The following CCDC43 variants were observed in gnomAD, a reference collection of about 807,000 sequenced individuals.
CCDC43 encodes the protein coiled-coil domain containing 43, also known as coiled-coil domain-containing protein 43.
In CCDC43, 20 loss-of-function variants were observed where a neutral mutation model predicts 33.3. That is an observed-to-expected ratio of 0.60 (90% CI 0.42 to 0.87). CCDC43 has a LOEUF of 0.87. Among genes scored for constraint, CCDC43 ranks in the 40% least tolerant of loss-of-function variants. The pLI, the probability that CCDC43 is intolerant of heterozygous loss-of-function variation, is 0.00. For synonymous variants in CCDC43, 104 were observed against 106.5 expected, an observed-to-expected ratio of 0.98 and a Z score of 0.14; for missense variants, 248 against 269.9, an observed-to-expected ratio of 0.92 and a Z score of 0.57.
In CCDC43 at chr17:44,678,568, G is replaced by A. The variant is rs1972110391; in HGVS notation, c.*288C>T. 2 of 276,182 alleles carry A rather than the reference G, an allele frequency of 7.2e-6. No homozygotes were observed. Among genetic ancestry groups the A allele is most frequent in the South Asian group, 2.3e-4 (2 of 8,794 alleles). 17.1% of individuals were successfully genotyped at this position (276,182 alleles called of 1,614,324 possible). On this transcript the variant is annotated 3_prime_UTR_variant, in exon 5 of 5. Transcript: ENST00000315286. ...ATCCTATTTATCCAAGGTGAGGGAA[G>A]ACTTTTTAAAGTGGCCAAAAGGAGC...
rs1049922373 is a variant in CCDC43 at position 44,680,760 on chromosome 17, G to A, written c.429-117C>T. On this transcript the variant is annotated intron_variant, in intron 3 of 4. Coordinates refer to ENST00000315286, the MANE Select transcript of CCDC43 (RefSeq NM_144609.3). ...TGAATGGAGGGAGCACATTATCAGG[G>A]ATATGGCGATAAACCCAGGAGATTC... 10 of 711,368 alleles carry A rather than the reference G, an allele frequency of 1.4e-5. No individual in the cohort carries two copies. In the Admixed American group the frequency reaches 1.6e-4, roughly 11 times the overall value. The allele number at this position is 711,368 out of a possible 1,614,324, so 44.1% of individuals were successfully genotyped here.
At position 44,678,984 on chromosome 17, in the gene CCDC43, A is replaced by T; in HGVS notation, c.547T>A (p.Ser183Thr). Reference sequence around the variant, plus strand: ...TTCCTTTGGGATTCATCCCGAAGTGAGTCTCGCTCCAGTTTTCGGGCATTA... The same window carrying T: ...TTCCTTTGGGATTCATCCCGAAGTGTGTCTCGCTCCAGTTTTCGGGCATTA... ...VLNARKLERD[S>T]LRDESQRKKE... The change falls in exon 5 of 5, where the codon TCA (serine) becomes ACA (threonine). Residue 183 changes from serine to threonine, a missense_variant. Transcript: ENST00000315286. 1.2e-6 allele frequency: 2 copies of T among 1,613,514 alleles called. No homozygotes were observed. Among genetic ancestry groups the T allele is most frequent in the South Asian group, 2.2e-5 (2 of 91,058 alleles).
intron 3 of CCDC43, 36 bp downstream of exon 3, chr17:44,681,967 C>G: frequency 6.2e-7 from 1 of 1,613,076 alleles, no homozygotes; most frequent in South Asian, 1.1e-5. Flanking sequence ...CTGGCTTGAG[C>G]TTTAGGGAAT....
Position 44,680,623 on chromosome 17 carries a change from T to C in CCDC43, c.449A>G (p.Asp150Gly). Residue 150 changes from aspartate (D) to glycine (G), a missense_variant, in exon 4 of 5, where the codon GAT (aspartate) becomes GGT (glycine). Coordinates refer to ENST00000315286, the MANE Select transcript of CCDC43 (RefSeq NM_144609.3). ...AATGTTCATTGTGGTAGCACCTGAA[T>C]CATCCTTCTCATCTGCTTCAGTAAG... Reference protein sequence around the residue: ...DEEDEADEKDDSGATTMNIGS... With the variant: ...DEEDEADEKDGSGATTMNIGS... 1 of 1,609,032 alleles carries C rather than the reference T, an allele frequency of 6.2e-7. No individual in the cohort carries two copies. Among genetic ancestry groups the C allele is most frequent in the Non-Finnish European group, 8.5e-7 (1 of 1,175,824 alleles).
chr17:44,682,221 T>A (rs1972173936), intron 2 of CCDC43, 83 bp from the exon 3 acceptor site: 19 of 1,534,128 alleles, frequency 1.2e-5, no homozygotes, highest in Non-Finnish European at 1.7e-5. Flanking sequence ...GCAGCACTTG[T>A]ACTGAAGACA....
In CCDC43 at chr17:44,678,950, T is replaced by C; in HGVS notation, c.581A>G (p.Gln194Arg). 1.2e-6 allele frequency: 2 copies of C among 1,613,942 alleles called. No homozygotes were observed. The highest frequency in any genetic ancestry group is 1.7e-6 in the Non-Finnish European group (2 of 1,179,874). Residue 194 changes from glutamine to arginine, a missense_variant, in exon 5 of 5, where the codon CAG becomes CGG. Transcript: ENST00000315286. Reference protein sequence around the residue: ...LRDESQRKKEQDKLQRERDKL... With the variant: ...LRDESQRKKERDKLQRERDKL... ...GTCTCTCTCCCTCTGCAGCTTGTCC[T>C]GTTCCTTCTTCCTTTGGGATTCATC... is the stretch of plus-strand genomic sequence containing the variant.
Position 44,678,814 on chromosome 17 carries a change from CTTTGATA to C in CCDC43, c.*35_*41del. 6.4e-7 allele frequency: 1 copy of C among 1,565,656 alleles called. No individual in the cohort carries two copies. The highest frequency in any genetic ancestry group is 1.7e-4 in the Middle Eastern group (1 of 5,866). On this transcript the variant is annotated 3_prime_UTR_variant, in exon 5 of 5. Coordinates refer to ENST00000315286, the MANE Select transcript of CCDC43 (RefSeq NM_144609.3). ...CTCTTAAATACACAACCAGTTCTCC[CTTTGATA>C]AGTTCATGGGGGGAAAGAATAGAGT...
rs752247687 is a variant in CCDC43, at chr17:44,683,860, CT to C, written c.292+11del. The C allele has an allele frequency of 1.3e-6, 2 of 1,592,898 alleles. No homozygotes were observed. The highest frequency in any genetic ancestry group is 1.7e-6 in the Non-Finnish European group (2 of 1,160,832). ...AGGCTCAGGAAGTTAAACACAGAAACTCTGACTCTACCTTCTTTTTTCACTT... is the reference window on the plus strand; with the variant it reads ...AGGCTCAGGAAGTTAAACACAGAAACCTGACTCTACCTTCTTTTTTCACTT... On this transcript the variant is annotated intron_variant, in intron 2 of 4. Transcript: ENST00000315286.
intron 2 of CCDC43, 108 bp downstream of exon 2, chr17:44,683,764 G>A: frequency 1.3e-6 from 1 of 741,476 alleles, no homozygotes; most frequent in African/African-American, 1.7e-5. Flanking sequence ...ACTATCTTCG[G>A]GAAAATGAGC....
Position 44,678,840 on chromosome 17 carries a change from A to G in CCDC43, c.*16T>C. 1 of 1,608,984 alleles carries G rather than the reference A, an allele frequency of 6.2e-7. No homozygotes were observed. The highest frequency in any genetic ancestry group is 2.2e-5 in the East Asian group (1 of 44,822). On this transcript the variant is annotated 3_prime_UTR_variant, in exon 5 of 5. Coordinates refer to ENST00000315286, the MANE Select transcript of CCDC43 (RefSeq NM_144609.3). Reference sequence around the variant, plus strand: ...TTTGATAAGTTCATGGGGGGAAAGAATAGAGTAGGCCAAGGTTATCGCTTT... The same window carrying G: ...TTTGATAAGTTCATGGGGGGAAAGAGTAGAGTAGGCCAAGGTTATCGCTTT...
intron 2 of CCDC43, among the ~76,000 whole-genome samples, chr17:44,682,376 G>T (rs1972175810): frequency 8.2e-6 from 1 of 121,404 alleles, no homozygotes; most frequent in Non-Finnish European, 1.6e-5. Flanking sequence ...TTTATATACT[G>T]AAGTTCTGCT....
chr17:44,682,028 A>G lies in CCDC43; in HGVS notation c.403T>C (p.Tyr135His). 1 of 1,614,044 alleles carries G rather than the reference A, an allele frequency of 6.2e-7. No homozygotes were observed. Among genetic ancestry groups the G allele is most frequent in the Non-Finnish European group, 8.5e-7 (1 of 1,179,898 alleles). The change falls in exon 3 of 5, where the codon TAT becomes CAT. Residue 135 changes from tyrosine to histidine, a missense_variant. Coordinates refer to ENST00000315286, the MANE Select transcript of CCDC43 (RefSeq NM_144609.3). ...KQRKAALLAQ[Y>H]ADVTDEEDEA... ...TCCTCTTCATCTGTCACATCAGCAT[A>G]CTGGGCCAGGAGGGCAGCTTTTCTC...
chr17:44,689,471 T>C lies in CCDC43; in HGVS notation c.204+79A>G, dbSNP rs1972290213. On this transcript the variant is annotated intron_variant, in intron 1 of 4. Coordinates refer to ENST00000315286, the MANE Select transcript of CCDC43 (RefSeq NM_144609.3). ...ACCACTGAGCCTCTGGGATACCCGG[T>C]AGGGGAGGGAGGGTGCAAAGTACTG... 4 of 1,579,552 alleles carry C rather than the reference T, an allele frequency of 2.5e-6. No individual in the cohort carries two copies. In the Admixed American group the frequency reaches 5.4e-5, roughly 21 times the overall value.
chr17:44,679,880 C>T (rs1202510002), intron 4 of CCDC43, among the ~76,000 whole-genome samples: 3 of 150,600 alleles, frequency 2.0e-5, no homozygotes, highest in East Asian at 2.0e-4. Flanking sequence ...GGCAACAGAG[C>T]GAGACTCTGT....
At chr17:44,689,330 G>A in intron 1 of CCDC43, 1 of 609,976 alleles carries the variant, frequency 1.6e-6, no homozygotes, top group Non-Finnish European at 2.8e-6. Flanking sequence ...CCAAGAATAC[G>A]AGAAAGCCCT....
At chr17:44,680,189 T>C (rs1189591181) in intron 4 of CCDC43, among the ~76,000 whole-genome samples, 1 of 152,070 alleles carries the variant, frequency 6.6e-6, no homozygotes, top group Non-Finnish European at 1.5e-5. Flanking sequence ...GGTTTTGCCA[T>C]GTTGCCCAGG....
chr17:44,687,227 G>C (rs532540700), intron 1 of CCDC43, among the ~76,000 whole-genome samples: 3 of 152,156 alleles, frequency 2.0e-5, no homozygotes, highest in South Asian at 4.1e-4. Context: ...TGGATCACTT[G>C]AGGTCAGGAG....
At chr17:44,683,848 T>C in intron 2 of CCDC43, 24 bp downstream of exon 2, 1 of 1,551,126 alleles carries the variant, frequency 6.4e-7, no homozygotes, top group Non-Finnish European at 8.9e-7. Flanking sequence ...CTCAGGAAGT[T>C]AAACACAGAA....
At chr17:44,687,971 A>G (rs1332969657) in intron 1 of CCDC43, 1 of 152,164 alleles carries the variant, frequency 6.6e-6, no homozygotes, top group Non-Finnish European at 1.5e-5. Flanking sequence ...GGACAGCTGC[A>G]CTAGTGTTAT....
Sources: gnomAD v4.1 joint callset for allele counts (sites outside exome capture counted in the v4.1 genomes callset) on GRCh38, gnomAD v4.1.1 for gene constraint, MANE v1.5 for transcripts, NCBI Gene and HGNC (gene_info 2026-07-23, HGNC 2026-07-21) for gene names.